Variants in MAML2 observed in about 807,000 individuals in gnomAD.
The protein encoded by MAML2 is mastermind like transcriptional coactivator 2.
In MAML2, 22 loss-of-function variants were observed where a neutral mutation model predicts 96.1. The observed-to-expected ratio is 0.23, with a 90% CI of 0.16 to 0.33. MAML2 has a LOEUF of 0.33. Among genes scored for constraint, MAML2 ranks in the 10% least tolerant of loss-of-function variants. The probability of loss-of-function intolerance (pLI) is 1.00; values close to 1 mark genes in which losing one functional copy is unlikely to be tolerated. For synonymous variants in MAML2, 561 were observed against 521.3 expected (o/e 1.08, Z -1.04); for missense variants, 1,367 against 1,392.4 (o/e 0.98, Z 0.29).
chr11:96,241,978 G>T (rs1455504034), intron 1 of MAML2, among the ~76,000 whole-genome samples: 1 of 152,116 alleles, frequency 6.6e-6, no homozygotes, highest in African/African-American at 2.4e-5. Context: ...ACAGCTTTGG[G>T]TTATGGTTAC....
At position 95,977,207 on chromosome 11, in the gene MAML2, C is replaced by T. The variant is rs1002865444; in HGVS notation, c.*1741G>A. The T allele has an allele frequency of 3.2e-5, 6 of 187,084 alleles. No homozygotes were observed. The highest frequency in any genetic ancestry group is 6.8e-5 in the Non-Finnish European group (6 of 88,682). 11.6% of individuals were successfully genotyped at this position (187,084 alleles called of 1,614,324 possible). A position where few individuals can be genotyped will look rare whatever the true frequency, so the allele number is the denominator to read the frequency against. On this transcript the variant is annotated 3_prime_UTR_variant, in exon 5 of 5. Coordinates refer to ENST00000524717, the MANE Select transcript of MAML2 (RefSeq NM_032427.4). ...ATTTACTTTTTGTATAAAATATAAC[C>T]TTTTGATAGTATATTTATTTCACAT...
At chr11:96,014,466 C>G (rs75593216) in intron 2 of MAML2, among the ~76,000 whole-genome samples, 1 of 152,118 alleles carries the variant, frequency 6.6e-6, no homozygotes, top group Non-Finnish European at 1.5e-5. Flanking sequence ...AAACTAACAT[C>G]GGTGAACTCT....
chr11:96,077,017 G>T (rs1473138124), intron 2 of MAML2, among the ~76,000 whole-genome samples: 1 of 151,948 alleles, frequency 6.6e-6, no homozygotes, highest in African/African-American at 2.4e-5. Context: ...AATACAAGGA[G>T]GAAAAACAAA....
chr11:96,114,680 A>G (rs1429104854), intron 1 of MAML2, among the ~76,000 whole-genome samples: 2 of 152,230 alleles, frequency 1.3e-5, no homozygotes, highest in Admixed American at 6.5e-5. Flanking sequence ...GTGAATACTG[A>G]AAAGTGTTGC....
intron 1 of MAML2, among the ~76,000 whole-genome samples, chr11:96,170,736 A>T (rs970770841): frequency 6.6e-6 from 1 of 151,536 alleles, no homozygotes; most frequent in African/African-American, 2.4e-5. Flanking sequence ...TTGTTTTGAG[A>T]TGGAGTCTTG....
chr11:96,010,011 A>G (rs755994789), intron 2 of MAML2, among the ~76,000 whole-genome samples: 3 of 152,210 alleles, frequency 2.0e-5, no homozygotes, highest in Non-Finnish European at 2.9e-5. Context: ...GAACTGAATC[A>G]GGAACAATTT....
chr11:96,102,331 A>C (rs909346406), intron 1 of MAML2, among the ~76,000 whole-genome samples: 1 of 152,216 alleles, frequency 6.6e-6, no homozygotes, highest in African/African-American at 2.4e-5. Context: ...TAACGTTAGA[A>C]TTAACAAAAA....
chr11:96,250,970 T>C (rs1208251116), intron 1 of MAML2, among the ~76,000 whole-genome samples: 1 of 152,122 alleles, frequency 6.6e-6, no homozygotes, highest in Non-Finnish European at 1.5e-5. Context: ...CTTAGGACAT[T>C]GGCTTTGGTT....
At chr11:96,021,616 G>A (rs1026488237) in intron 2 of MAML2, among the ~76,000 whole-genome samples, 22 of 152,176 alleles carry the variant, frequency 1.4e-4, no homozygotes, top group Non-Finnish European at 2.8e-4. Flanking sequence ...TTGAGGACTC[G>A]CTTTTCTCTC....
intron 1 of MAML2, among the ~76,000 whole-genome samples, chr11:96,340,647 A>T (rs1863979798): frequency 6.6e-6 from 1 of 152,196 alleles, no homozygotes; most frequent in Admixed American, 6.5e-5. Flanking sequence ...CTGTGTAAAT[A>T]GCTGCTTCGT....
intron 2 of MAML2, among the ~76,000 whole-genome samples, chr11:96,001,207 G>A (rs1858072896): frequency 6.6e-6 from 1 of 152,160 alleles, no homozygotes. Flanking sequence ...AGCCTCTGGG[G>A]TGGACACGTA....
intron 4 of MAML2, among the ~76,000 whole-genome samples, chr11:95,984,945 G>A (rs1423139046): frequency 6.6e-6 from 1 of 152,180 alleles, no homozygotes; most frequent in African/African-American, 2.4e-5. Context: ...ATGAGCGGGA[G>A]GAGAGAGAAT....
intron 1 of MAML2, among the ~76,000 whole-genome samples, chr11:96,331,172 G>T (rs904510233): frequency 5.3e-5 from 8 of 152,094 alleles, no homozygotes; most frequent in African/African-American, 1.2e-4. Context: ...TCAGAAGGCT[G>T]GCGGGGAGGA....
At chr11:96,001,298 G>T (rs1858074332) in intron 2 of MAML2, among the ~76,000 whole-genome samples, 1 of 152,162 alleles carries the variant, frequency 6.6e-6, no homozygotes, top group Non-Finnish European at 1.5e-5. Flanking sequence ...AAACGTCAGT[G>T]GGTCAGGGTG....
At chr11:96,117,402 C>G (rs1385740497) in intron 1 of MAML2, among the ~76,000 whole-genome samples, 2 of 151,762 alleles carry the variant, frequency 1.3e-5, no homozygotes, top group East Asian at 1.9e-4. Context: ...TTCGAAAGAT[C>G]CTTCCACCTC....
rs116148634 is a variant in MAML2 at position 96,285,021 on chromosome 11, A to G, written c.513+56362T>C. ...CTATGCAACCATATCTCTTGCCCCA[A>G]TAAGACCCATTTCACAGTTGAAGAT... is the stretch of plus-strand genomic sequence containing the variant. On this transcript the variant is annotated intron_variant, in intron 1 of 4. Transcript: ENST00000524717. Among the ~76,000 whole-genome samples the G allele has an allele frequency of 4.3e-4, 66 of 152,336 alleles. 1 individual carries two copies. Among genetic ancestry groups the G allele is most frequent in the African/African-American group, 1.3e-3 (55 of 41,582 alleles).
intron 1 of MAML2, among the ~76,000 whole-genome samples, chr11:96,186,778 T>G (rs958817072): frequency 1.3e-5 from 2 of 152,190 alleles, no homozygotes; most frequent in Non-Finnish European, 2.9e-5. Flanking sequence ...GGCTACATAG[T>G]AGGTGAGTGT....
intron 1 of MAML2, among the ~76,000 whole-genome samples, chr11:96,300,530 A>G (rs1205598906): frequency 1.3e-5 from 2 of 152,172 alleles, no homozygotes; most frequent in Non-Finnish European, 2.9e-5. Context: ...TGACAGGAGT[A>G]AAAGGAGAGA....
intron 1 of MAML2, among the ~76,000 whole-genome samples, chr11:96,191,023 C>T (rs1861645051): frequency 6.6e-6 from 1 of 152,148 alleles, no homozygotes; most frequent in South Asian, 2.1e-4. Flanking sequence ...TGTGTACCCC[C>T]TTTTAGAAGG....
Sources: allele counts gnomAD v4.1 joint callset (sites outside exome capture counted in the v4.1 genomes callset), GRCh38; gene constraint gnomAD v4.1.1; transcripts MANE v1.5; gene names NCBI Gene and HGNC (gene_info 2026-07-23, HGNC 2026-07-21).